Variants in CAB39 observed in about 807,000 individuals in gnomAD.
The protein encoded by CAB39 is calcium binding protein 39.
In CAB39, 8 loss-of-function variants were observed where a neutral mutation model predicts 40.0. That is an observed-to-expected ratio of 0.20 (90% CI 0.12 to 0.36). CAB39 has a LOEUF of 0.36. Ranked by LOEUF, CAB39 falls within the 10% of genes least tolerant of loss-of-function variation. CAB39 has a pLI of 1.00. For synonymous variants in CAB39, 156 were observed against 141.6 expected (o/e 1.10, Z -0.72); for missense variants, 270 against 401.1 (o/e 0.67, Z 2.79).
chr2:230,762,573 G>T (rs62193631), intron 2 of CAB39, among the ~76,000 whole-genome samples: 16,226 of 152,252 alleles, frequency 0.11, 1,147 homozygotes, highest in Middle Eastern at 0.16. Flanking sequence ...ATACATGTCT[G>T]CTGGAACTGC....
chr2:230,798,612 TTA>T lies in CAB39; in HGVS notation c.399-116_399-115del, dbSNP rs1696031958. The T allele has an allele frequency of 5.3e-6, 4 of 755,400 alleles. No individual in the cohort carries two copies. In the East Asian group the frequency reaches 1.1e-4, roughly 21 times the overall value. 46.8% of individuals were successfully genotyped at this position (755,400 alleles called of 1,614,324 possible). A position where few individuals can be genotyped will look rare whatever the true frequency, so the allele number is the denominator to read the frequency against. On this transcript the variant is annotated intron_variant, in intron 4 of 8. Coordinates refer to ENST00000258418, the MANE Select transcript of CAB39 (RefSeq NM_016289.4). Reference sequence around the variant, plus strand: ...ACCTTCTGTAATCTGCGATGGTCATTTAGTTAGGATACATGTCTGAAAACTGT... The same window carrying T: ...ACCTTCTGTAATCTGCGATGGTCATTGTTAGGATACATGTCTGAAAACTGT...
At chr2:230,818,429 C>T (rs764074903) in intron 8 of CAB39, 87 bp from the exon 9 acceptor site, 1 of 1,073,858 alleles carries the variant, frequency 9.3e-7, no homozygotes, top group Admixed American at 2.2e-5. Context: ...GAGAGCACAG[C>T]TCTGCTTTTC....
At chr2:230,742,499 ACTT>A (rs1426782635) in intron 1 of CAB39, among the ~76,000 whole-genome samples, 1 of 151,272 alleles carries the variant, frequency 6.6e-6, no homozygotes, top group Non-Finnish European at 1.5e-5. Context: ...GAAAATGAAA[ACTT>A]CTTATATTAA....
At chr2:230,740,174 C>A (rs1194544035) in intron 1 of CAB39, among the ~76,000 whole-genome samples, 1 of 152,100 alleles carries the variant, frequency 6.6e-6, no homozygotes, top group Non-Finnish European at 1.5e-5. Flanking sequence ...AGTTAGGTGG[C>A]CTGGTGGCCT....
intron 2 of CAB39, among the ~76,000 whole-genome samples, chr2:230,784,277 C>T (rs904740833): frequency 6.6e-6 from 1 of 152,006 alleles, no homozygotes; most frequent in African/African-American, 2.4e-5. Context: ...GGCACTAGGG[C>T]GAGATCTTGA....
chr2:230,723,093 C>G (rs1311211750), intron 1 of CAB39, among the ~76,000 whole-genome samples: 1 of 152,062 alleles, frequency 6.6e-6, no homozygotes, highest in Non-Finnish European at 1.5e-5. Flanking sequence ...CAAATATGTT[C>G]ATACCTGTAA....
intron 1 of CAB39, among the ~76,000 whole-genome samples, chr2:230,748,867 T>TATATATATATAA (rs1285999189): frequency 2.7e-5 from 3 of 109,784 alleles, no homozygotes; most frequent in South Asian, 2.8e-4. Context: ...TATATATATA[T>TATATATATATAA]AACAAAATGG....
chr2:230,724,633 A>G (rs1694522314), intron 1 of CAB39, among the ~76,000 whole-genome samples: 1 of 148,428 alleles, frequency 6.7e-6, no homozygotes, highest in African/African-American at 2.5e-5. Context: ...GTGAGCCAAG[A>G]TCGCGCCATT....
At chr2:230,792,443 C>G (rs1695908317) in intron 3 of CAB39, among the ~76,000 whole-genome samples, 1 of 152,208 alleles carries the variant, frequency 6.6e-6, no homozygotes, top group Non-Finnish European at 1.5e-5. Context: ...TAGGTATACC[C>G]TGGAAAGCTA....
chr2:230,811,967 A>G (rs1350518196), intron 6 of CAB39, among the ~76,000 whole-genome samples: 1 of 152,244 alleles, frequency 6.6e-6, no homozygotes. Context: ...CAACAAATCT[A>G]TAGAAAGCAG....
intron 5 of CAB39, among the ~76,000 whole-genome samples, chr2:230,801,540 A>G (rs967422939): frequency 5.3e-5 from 8 of 152,146 alleles, no homozygotes; most frequent in African/African-American, 1.9e-4. Flanking sequence ...TGGCTCATCC[A>G]TAGCCCTGGA....
At chr2:230,764,220 C>G (rs986906362) in intron 2 of CAB39, among the ~76,000 whole-genome samples, 4 of 152,088 alleles carry the variant, frequency 2.6e-5, no homozygotes, top group Non-Finnish European at 5.9e-5. Flanking sequence ...TCAGTAGAAA[C>G]CATACTTTGA....
At chr2:230,809,350 G>A (rs1267137041) in intron 5 of CAB39, among the ~76,000 whole-genome samples, 1 of 152,170 alleles carries the variant, frequency 6.6e-6, no homozygotes, top group East Asian at 1.9e-4. Context: ...AAACAGGAAC[G>A]AAAACTAGGA....
At chr2:230,816,712 G>A (rs746238620) in intron 7 of CAB39, among the ~76,000 whole-genome samples, 1 of 152,188 alleles carries the variant, frequency 6.6e-6, no homozygotes, top group African/African-American at 2.4e-5. Context: ...GCAGATACAG[G>A]CCTGATACGT....
At chr2:230,784,106 T>A (rs549603797) in intron 2 of CAB39, among the ~76,000 whole-genome samples, 1 of 152,092 alleles carries the variant, frequency 6.6e-6, no homozygotes, top group East Asian at 1.9e-4. Flanking sequence ...ATTTGGGTGG[T>A]GATGGTAGAC....
intron 3 of CAB39, among the ~76,000 whole-genome samples, chr2:230,792,934 C>T (rs147712894): frequency 1.7e-3 from 257 of 152,210 alleles, no homozygotes; most frequent in African/African-American, 5.7e-3. Flanking sequence ...TCAGAGTCAG[C>T]GTGATCCTGA....
At chr2:230,743,882 G>T (rs1346993603) in intron 1 of CAB39, among the ~76,000 whole-genome samples, 1 of 148,842 alleles carries the variant, frequency 6.7e-6, no homozygotes, top group African/African-American at 2.5e-5. Flanking sequence ...TTAGAACTTA[G>T]AAGAATAAAG....
chr2:230,724,852 C>T (rs1011614423), intron 1 of CAB39, among the ~76,000 whole-genome samples: 3 of 143,008 alleles, frequency 2.1e-5, no homozygotes, highest in Non-Finnish European at 3.0e-5. Context: ...TGGTATCAAA[C>T]GGATTGAAAG....
chr2:230,729,802 TGG>T (rs1400426493), intron 1 of CAB39, among the ~76,000 whole-genome samples: 1 of 151,952 alleles, frequency 6.6e-6, no homozygotes, highest in Non-Finnish European at 1.5e-5. Flanking sequence ...ATTTAATAAT[TGG>T]TAGCACTTGG....
Sources: gnomAD v4.1 joint callset for allele counts (sites outside exome capture counted in the v4.1 genomes callset) on GRCh38, gnomAD v4.1.1 for gene constraint, MANE v1.5 for transcripts, NCBI Gene and HGNC (gene_info 2026-07-23, HGNC 2026-07-21) for gene names.